SNTB2: variants seen among roughly 807,000 people sequenced by gnomAD.
The protein encoded by SNTB2 is syntrophin beta 2, also known as beta-2-syntrophin.
Under a neutral mutation model 46.2 loss-of-function variants are expected in SNTB2, and 34 were observed. The observed-to-expected ratio is 0.74, with a 90% CI of 0.56 to 0.98. SNTB2 has a LOEUF of 0.98. SNTB2 is among the 50% of genes least tolerant of loss of function. The probability of loss-of-function intolerance (pLI) is 0.00; values close to 1 mark genes in which losing one functional copy is unlikely to be tolerated. For missense variants in SNTB2, 603 were observed against 731.4 expected (o/e 0.82, Z 2.02); for synonymous variants, 290 against 312.6 (o/e 0.93, Z 0.76).
At chr16:69,196,963 G>C (rs1459747248) in intron 1 of SNTB2, among the ~76,000 whole-genome samples, 1 of 151,992 alleles carries the variant, frequency 6.6e-6, no homozygotes, top group African/African-American at 2.4e-5. Flanking sequence ...TTTGGATTCT[G>C]TGTTGTTGCA....
At chr16:69,291,801 T>G (rs1965161532) in intron 5 of SNTB2, among the ~76,000 whole-genome samples, 1 of 152,148 alleles carries the variant, frequency 6.6e-6, no homozygotes, top group Non-Finnish European at 1.5e-5. Context: ...TAGCCAGGCA[T>G]GGTGACACAT....
At chr16:69,211,367 CTCT>C (rs898143590) in intron 1 of SNTB2, among the ~76,000 whole-genome samples, 9 of 151,642 alleles carry the variant, frequency 5.9e-5, no homozygotes, top group African/African-American at 1.2e-4. Context: ...TCTTTAGTTA[CTCT>C]TCAACATAAA....
At chr16:69,216,631 G>A (rs575135781) in intron 1 of SNTB2, among the ~76,000 whole-genome samples, 1 of 151,960 alleles carries the variant, frequency 6.6e-6, no homozygotes, top group South Asian at 2.1e-4. Context: ...GCTGCATTGA[G>A]CTGTGATTGC....
At chr16:69,198,118 T>TGG (rs1158116082) in intron 1 of SNTB2, among the ~76,000 whole-genome samples, 1,449 of 135,264 alleles carry the variant, frequency 0.011, 16 homozygotes, top group Non-Finnish European at 0.017. Context: ...TTTTTTTTTT[T>TGG]GGGGGGTAGG....
chr16:69,240,745 A>C (rs1964603670), intron 1 of SNTB2: 1 of 152,246 alleles, frequency 6.6e-6, no homozygotes, highest in Non-Finnish European at 1.5e-5. Context: ...TGAGAAGTTG[A>C]TGTTTATAAA....
chr16:69,245,773 G>A lies in SNTB2; in HGVS notation c.752G>A (p.Cys251Tyr). ...KDRKIIPLKM[C>Y]FAARNLSMPD... ...AGGAAGATCATCCCTCTCAAAATGTGCTTTGCTGCTAGAAACCTAAGCATG... is the reference window on the plus strand; with the variant it reads ...AGGAAGATCATCCCTCTCAAAATGTACTTTGCTGCTAGAAACCTAAGCATG... The change falls in exon 2 of 7, where the codon TGC becomes TAC. Residue 251 changes from cysteine (C) to tyrosine (Y), a missense_variant. Cys to Tyr is a radical substitution (Grantham distance 194, BLOSUM62 -2). Transcript: ENST00000336278. The A allele has an allele frequency of 6.2e-7, 1 of 1,614,030 alleles. No homozygotes were observed. The highest frequency in any genetic ancestry group is 8.5e-7 in the Non-Finnish European group (1 of 1,180,016).
At chr16:69,247,980 A>C (rs1466869545) in intron 2 of SNTB2, among the ~76,000 whole-genome samples, 1 of 152,144 alleles carries the variant, frequency 6.6e-6, no homozygotes. Flanking sequence ...AAAATTAGCC[A>C]GGCATACTGG....
At chr16:69,243,564 A>T in intron 1 of SNTB2, among the ~76,000 whole-genome samples, 1 of 152,214 alleles carries the variant, frequency 6.6e-6, no homozygotes, top group East Asian at 1.9e-4. Context: ...TCAAGAATTC[A>T]TTTAGAATGT....
intron 2 of SNTB2, among the ~76,000 whole-genome samples, chr16:69,251,136 G>A (rs959209662): frequency 6.0e-5 from 9 of 150,750 alleles, no homozygotes; most frequent in African/African-American, 1.9e-4. Flanking sequence ...CCGCCACTAC[G>A]CCCGGCTAAT....
intron 1 of SNTB2, among the ~76,000 whole-genome samples, chr16:69,214,070 G>A (rs556922219): frequency 3.9e-4 from 58 of 148,914 alleles, no homozygotes; most frequent in Non-Finnish European, 7.0e-4. Flanking sequence ...TGATCCACCC[G>A]CCTCGGCCTC....
At chr16:69,234,373 G>T (rs1964537153) in intron 1 of SNTB2, among the ~76,000 whole-genome samples, 1 of 152,140 alleles carries the variant, frequency 6.6e-6, no homozygotes, top group African/African-American at 2.4e-5. Flanking sequence ...ATTAGGGAAT[G>T]CCTAAATAAA....
intron 2 of SNTB2, among the ~76,000 whole-genome samples, chr16:69,254,423 C>T (rs1232481033): frequency 6.6e-6 from 1 of 152,104 alleles, no homozygotes; most frequent in East Asian, 1.9e-4. Flanking sequence ...TACTAGCTTC[C>T]AAAATTTTGT....
chr16:69,276,150 T>C (rs375050578), intron 4 of SNTB2, among the ~76,000 whole-genome samples: 7 of 152,140 alleles, frequency 4.6e-5, no homozygotes, highest in East Asian at 1.9e-4. Context: ...TTTCAGGATA[T>C]GGATTTTGTT....
intron 1 of SNTB2, among the ~76,000 whole-genome samples, chr16:69,217,738 C>T (rs1271476812): frequency 1.3e-5 from 2 of 152,096 alleles, no homozygotes; most frequent in African/African-American, 4.8e-5. Context: ...ATGGCTTTGC[C>T]GTAGGCTGGC....
At chr16:69,244,478 T>C (rs1597184948) in intron 1 of SNTB2, among the ~76,000 whole-genome samples, 1 of 152,344 alleles carries the variant, frequency 6.6e-6, no homozygotes, top group East Asian at 1.9e-4. Context: ...TATGTGCATG[T>C]ATTACCTATT....
chr16:69,294,818 ATT>A (rs779924377), intron 5 of SNTB2, among the ~76,000 whole-genome samples: 3 of 140,090 alleles, frequency 2.1e-5, no homozygotes, highest in African/African-American at 2.6e-5. Flanking sequence ...GTAGTTTTTG[ATT>A]TTTTTTTTTT....
rs937639938 is a variant in SNTB2, at chr16:69,201,296, A to G, written c.580+13550A>G. 2.0e-5 allele frequency among the ~76,000 whole-genome samples: 3 copies of G among 152,226 alleles called. No individual in the cohort carries two copies. In the East Asian group the frequency reaches 5.8e-4, roughly 29 times the overall value. On this transcript the variant is annotated intron_variant, in intron 1 of 6. Transcript: ENST00000336278. ...CTAGAAGGACTCCTCATTAACACCA[A>G]TAAATGGGAGAGAATGCACTAAGCC...
chr16:69,198,141 C>T (rs1043950355), intron 1 of SNTB2, among the ~76,000 whole-genome samples: 16 of 147,254 alleles, frequency 1.1e-4, no homozygotes, highest in Non-Finnish European at 1.9e-4. Flanking sequence ...AACAGAGCCT[C>T]GCTCTGTCGC....
chr16:69,237,333 G>A (rs1373222171), intron 1 of SNTB2, among the ~76,000 whole-genome samples: 1 of 152,186 alleles, frequency 6.6e-6, no homozygotes. Context: ...TGGAATGGTC[G>A]AGCATAAGGA....
Sources: allele counts gnomAD v4.1 joint callset (sites outside exome capture counted in the v4.1 genomes callset), GRCh38; gene constraint gnomAD v4.1.1; transcripts MANE v1.5; gene names NCBI Gene and HGNC (gene_info 2026-07-23, HGNC 2026-07-21).